The following FNBP1 variants were observed in gnomAD, a reference collection of about 807,000 sequenced individuals.
FNBP1 encodes the protein formin binding protein 1.
In FNBP1, 26 loss-of-function variants were observed where a neutral mutation model predicts 90.6. The ratio of observed to expected loss-of-function variants is 0.29; its 90% CI spans 0.21 to 0.40. FNBP1 has a LOEUF of 0.40. FNBP1 is among the 10% of genes least tolerant of loss of function. The pLI, the probability that FNBP1 is intolerant of heterozygous loss-of-function variation, is 1.00. For missense variants in FNBP1, 635 were observed against 768.0 expected (o/e 0.83, Z 2.05); for synonymous variants, 260 against 265.2 (o/e 0.98, Z 0.19).
At chr9:129,934,093 T>C (rs1024622849) in intron 6 of FNBP1, among the ~76,000 whole-genome samples, 1 of 152,242 alleles carries the variant, frequency 6.6e-6, no homozygotes, top group Admixed American at 6.5e-5. Context: ...TAATGGTATT[T>C]TGGAGACTAT....
chr9:129,907,539 A>G (rs1485440061), intron 12 of FNBP1, among the ~76,000 whole-genome samples: 5 of 151,638 alleles, frequency 3.3e-5, no homozygotes, highest in Non-Finnish European at 5.9e-5. Context: ...ATGCAGTGGT[A>G]TACCTCTTGA....
At chr9:130,018,809 G>A (rs1260941182) in intron 1 of FNBP1, among the ~76,000 whole-genome samples, 2 of 152,138 alleles carry the variant, frequency 1.3e-5, no homozygotes, top group African/African-American at 2.4e-5. Flanking sequence ...TAGCTAAATT[G>A]TACAAGGAGA....
chr9:130,035,846 T>C (rs1435158644), intron 1 of FNBP1, among the ~76,000 whole-genome samples: 2 of 152,154 alleles, frequency 1.3e-5, no homozygotes, highest in Non-Finnish European at 2.9e-5. Context: ...CTCGGGAGGC[T>C]GAGGCAGGAG....
chr9:129,992,332 C>A (rs1237451852), intron 2 of FNBP1, among the ~76,000 whole-genome samples: 1 of 152,164 alleles, frequency 6.6e-6, no homozygotes, highest in Non-Finnish European at 1.5e-5. Flanking sequence ...TTCCTACTTT[C>A]AGTTCGAAAA....
intron 10 of FNBP1, among the ~76,000 whole-genome samples, chr9:129,921,720 T>C (rs1315821364): frequency 1.3e-5 from 2 of 152,284 alleles, no homozygotes; most frequent in East Asian, 3.9e-4. Flanking sequence ...GCCTCTTTTT[T>C]ACACAGAGTT....
intron 11 of FNBP1, 86 bp from the exon 12 acceptor site, chr9:129,909,085 G>GA (rs397720872): frequency 2.3e-6 from 2 of 869,146 alleles, no homozygotes; most frequent in Non-Finnish European, 3.9e-6. Context: ...AGCCATGGGG[G>GA]GTGCAGACAT....
In FNBP1 at chr9:129,910,306, C is replaced by A. The variant is rs1360516540; in HGVS notation, c.1186-1307G>T. ...GACCAGCCTGGCCAACAATGTGAAA[C>A]ACCGTCTCTGCTAAAAATATAAAAA... On this transcript the variant is annotated intron_variant, in intron 11 of 16. Transcript: ENST00000446176. 5 of 414,044 alleles carry A rather than the reference C, an allele frequency of 1.2e-5. No homozygotes were observed. The East Asian group carries it at 3.7e-4, about 30-fold the overall frequency. 25.6% of individuals were successfully genotyped at this position (414,044 alleles called of 1,614,324 possible).
intron 2 of FNBP1, among the ~76,000 whole-genome samples, chr9:129,981,291 G>A (rs574324117): frequency 7.9e-5 from 12 of 152,106 alleles, no homozygotes; most frequent in South Asian, 2.1e-4. Context: ...GTTTCACCAC[G>A]TTGGCCAGGC....
In FNBP1 at chr9:129,890,815, C is replaced by G. The variant is rs760352463; in HGVS notation, c.1847-269G>C. Among the ~76,000 whole-genome samples the G allele has an allele frequency of 6.6e-5, 10 of 152,132 alleles. No homozygotes were observed. The highest frequency in any genetic ancestry group is 1.5e-4 in the Non-Finnish European group (10 of 68,018). On this transcript the variant is annotated intron_variant, in intron 16 of 16. Coordinates refer to ENST00000446176, the MANE Select transcript of FNBP1 (RefSeq NM_015033.3). The surrounding 1 kb of genome is among the most constrained non-coding windows in gnomAD (Gnocchi z 5.8). ...CAAACAGGAGACTGATGAGGCCATC[C>G]GCCCCAACTCGTCTTTCTCATAAGT...
intron 1 of FNBP1, among the ~76,000 whole-genome samples, chr9:130,023,882 T>C (rs543664318): frequency 6.6e-6 from 1 of 152,196 alleles, no homozygotes; most frequent in African/African-American, 2.4e-5. Flanking sequence ...TTTTGCCCCA[T>C]GTCCCTAGGA....
intron 11 of FNBP1, among the ~76,000 whole-genome samples, chr9:129,909,439 T>C (rs2038807571): frequency 6.6e-6 from 1 of 152,036 alleles, no homozygotes; most frequent in Non-Finnish European, 1.5e-5. Context: ...TGCTGCCTTT[T>C]CCCTAGCGTG....
intron 1 of FNBP1, among the ~76,000 whole-genome samples, chr9:130,028,922 A>G (rs963384407): frequency 6.6e-6 from 1 of 152,176 alleles, no homozygotes; most frequent in Non-Finnish European, 1.5e-5. Flanking sequence ...AATTAGTTAT[A>G]TAACAGGCAT....
chr9:129,947,363 C>G (rs965174872), intron 6 of FNBP1, among the ~76,000 whole-genome samples: 3 of 149,836 alleles, frequency 2.0e-5, no homozygotes, highest in African/African-American at 7.4e-5. Flanking sequence ...TTGCTTGAAC[C>G]CAGGAGGCAG....
the FNBP1 span, among the ~76,000 whole-genome samples, chr9:130,049,168 C>G: frequency 2.0e-5 from 3 of 152,118 alleles, no homozygotes; most frequent in Non-Finnish European, 2.9e-5. Context: ...CCAGGCAGAT[C>G]GCTTGAGACC....
At chr9:130,039,708 A>G (rs1036978238) in intron 1 of FNBP1, among the ~76,000 whole-genome samples, 1 of 151,292 alleles carries the variant, frequency 6.6e-6, no homozygotes, top group Non-Finnish European at 1.5e-5. Flanking sequence ...GTTTATTTCT[A>G]TGGAGGGGTT....
chr9:130,000,824 C>T (rs924249963), intron 1 of FNBP1, among the ~76,000 whole-genome samples: 4 of 152,108 alleles, frequency 2.6e-5, no homozygotes, highest in Non-Finnish European at 5.9e-5. Flanking sequence ...GTTTGTCTGT[C>T]GCTCATTCTT....
chr9:129,990,230 A>C (rs1177254444), intron 2 of FNBP1, among the ~76,000 whole-genome samples: 1 of 152,220 alleles, frequency 6.6e-6, no homozygotes, highest in Non-Finnish European at 1.5e-5. Flanking sequence ...AATAATATAG[A>C]AATACATATT....
At chr9:129,936,908 G>T (rs769460714) in intron 6 of FNBP1, among the ~76,000 whole-genome samples, 1 of 152,176 alleles carries the variant, frequency 6.6e-6, no homozygotes, top group East Asian at 1.9e-4. Context: ...GGTGGCTCAC[G>T]CCTGTAATCT....
In FNBP1 at chr9:129,957,259, A is replaced by G. The variant is rs1020090726; in HGVS notation, c.513+101T>C. On this transcript the variant is annotated intron_variant, in intron 6 of 16. Transcript: ENST00000446176. The surrounding 1 kb of genome is among the most constrained non-coding windows in gnomAD (Gnocchi z 4.3). Reference sequence around the variant, plus strand: ...CACCATCTTGGCCAGGCTGGTCTCGAACTCCTGGCCTCAGGTGATCCGCTC... The same window carrying G: ...CACCATCTTGGCCAGGCTGGTCTCGGACTCCTGGCCTCAGGTGATCCGCTC... 1 of 800,338 alleles carries G rather than the reference A, an allele frequency of 1.2e-6. No homozygotes were observed. The highest frequency in any genetic ancestry group is 1.5e-5 in the South Asian group (1 of 65,298). 49.6% of individuals were successfully genotyped at this position (800,338 alleles called of 1,614,324 possible).
Sources: gnomAD v4.1 joint callset for allele counts (sites outside exome capture counted in the v4.1 genomes callset) on GRCh38, gnomAD v4.1.1 for gene constraint, Gnocchi (gnomAD v3.1) non-coding constraint, MANE v1.5 for transcripts, NCBI Gene and HGNC (gene_info 2026-07-23, HGNC 2026-07-21) for gene names.